Variants in SLC35E4 observed in about 807,000 individuals in gnomAD.
SLC35E4 encodes solute carrier family 35, member E4.
A neutral mutation model predicts 19.3 loss-of-function variants in SLC35E4; 15 were observed. The observed-to-expected ratio is 0.78, with a 90% CI of 0.52 to 1.20. SLC35E4 has a LOEUF of 1.20. Ranked by LOEUF, SLC35E4 falls within the 50% of genes most tolerant of loss-of-function variation. SLC35E4 has a pLI of 0.00. For missense variants in SLC35E4, 406 were observed against 472.3 expected, an observed-to-expected ratio of 0.86 and a Z score of 1.30; for synonymous variants, 219 against 219.9, an observed-to-expected ratio of 1.00 and a Z score of 0.04.
At chr22:30,657,607 A>G in intron 2 of SLC35E4, among the ~76,000 whole-genome samples, 1 of 151,898 alleles carries the variant, frequency 6.6e-6, no homozygotes, top group Non-Finnish European at 1.5e-5. Flanking sequence ...AAAATTTTTT[A>G]AAGATTTAAA....
At chr22:30,664,597 G>A (rs2088584695), downstream of SLC35E4, among the ~76,000 whole-genome samples, 1 of 152,222 alleles carries the variant, frequency 6.6e-6, no homozygotes, top group African/African-American at 2.4e-5. Flanking sequence ...CAGTGGCATG[G>A]AACCAGAGCC....
At chr22:30,659,394 A>G (rs2088414699) in intron 2 of SLC35E4, among the ~76,000 whole-genome samples, 1 of 151,884 alleles carries the variant, frequency 6.6e-6, no homozygotes, top group South Asian at 2.1e-4. Flanking sequence ...TTTTTTTGAG[A>G]TGGAGTTTCA....
At chr22:30,653,289 C>T (rs1182437271) in intron 2 of SLC35E4, among the ~76,000 whole-genome samples, 1 of 152,116 alleles carries the variant, frequency 6.6e-6, no homozygotes, top group Non-Finnish European at 1.5e-5. Context: ...ACCCTGTTCT[C>T]TATGCCTGCT....
intron 2 of SLC35E4, among the ~76,000 whole-genome samples, chr22:30,655,846 G>T (rs2145594839): frequency 6.6e-6 from 1 of 152,256 alleles, no homozygotes; most frequent in East Asian, 1.9e-4. Context: ...GTCAGGATGA[G>T]AATCCACACC....
chr22:30,647,002 C>T lies in SLC35E4; in HGVS notation c.1024C>T (p.Arg342Trp), dbSNP rs115570083. Residue 342 changes from arginine (R) to tryptophan (W), a missense_variant, in exon 2 of 2, where the codon CGG becomes TGG. By Grantham distance (101) the Arg-to-Trp change is moderately radical. Coordinates refer to ENST00000343605, the MANE Select transcript of SLC35E4 (RefSeq NM_001001479.4). ...ASWAARRGLW[R>W]RDQPSKGL ...CTGGGCTGCCCGTCGGGGGCTGTGGCGGAGGGACCAGCCCAGCAAGGGTCT... is the reference window on the plus strand; with the variant it reads ...CTGGGCTGCCCGTCGGGGGCTGTGGTGGAGGGACCAGCCCAGCAAGGGTCT... 4,091 of 1,610,294 alleles carry T rather than the reference C, an allele frequency of 2.5e-3. 82 individuals are homozygous for T. In the African/African-American group the frequency reaches 0.043, roughly 17 times the overall value.
At chr22:30,649,036 C>T, downstream of SLC35E4, 2 of 616,890 alleles carry the variant, frequency 3.2e-6, no homozygotes, top group Non-Finnish European at 5.9e-6. Context: ...TAACACCTAA[C>T]TCTCCCCAGC....
At chr22:30,645,295 C>T (rs112101032) in intron 1 of SLC35E4, among the ~76,000 whole-genome samples, 4,013 of 152,196 alleles carry the variant, frequency 0.026, 171 homozygotes, top group African/African-American at 0.091. Context: ...GTCTTCGAAG[C>T]TGGGTGAAGA....
At chr22:30,642,962 G>A (rs1981590) in intron 1 of SLC35E4, among the ~76,000 whole-genome samples, 96,392 of 150,782 alleles carry the variant, frequency 0.64, 31,942 homozygotes, top group African/African-American at 0.83. Flanking sequence ...CCCGGGAGGC[G>A]GAGCTTGCAG....
At chr22:30,658,503 G>GAT (rs1219849385) in intron 2 of SLC35E4, among the ~76,000 whole-genome samples, 1 of 151,902 alleles carries the variant, frequency 6.6e-6, no homozygotes, top group Non-Finnish European at 1.5e-5. Flanking sequence ...AAGTAGAAGA[G>GAT]GGGAATCTCC....
chr22:30,658,126 T>TA (rs886421711), intron 2 of SLC35E4, among the ~76,000 whole-genome samples: 4 of 150,672 alleles, frequency 2.7e-5, no homozygotes, highest in Non-Finnish European at 4.4e-5. Flanking sequence ...TTTTTTTAGT[T>TA]AAAAAAAACT....
intron 2 of SLC35E4, chr22:30,653,796 A>G (rs955167846): frequency 2.6e-5 from 4 of 152,206 alleles, no homozygotes; most frequent in Admixed American, 6.5e-5. Context: ...CCCAAAATCA[A>G]TCAAGCCAAA....
intron 1 of SLC35E4, among the ~76,000 whole-genome samples, chr22:30,640,429 G>A (rs886858448): frequency 5.3e-5 from 8 of 152,010 alleles, no homozygotes; most frequent in African/African-American, 1.2e-4. Flanking sequence ...CAGAGGTCAC[G>A]GGGTCCCTAA....
intron 1 of SLC35E4, among the ~76,000 whole-genome samples, chr22:30,640,378 A>T (rs1241352782): frequency 6.6e-6 from 1 of 151,950 alleles, no homozygotes; most frequent in African/African-American, 2.4e-5. Flanking sequence ...TCAAAAAAAA[A>T]AAAAAAAAGA....
chr22:30,659,855 T>A (rs1403922570), intron 2 of SLC35E4, among the ~76,000 whole-genome samples: 3 of 152,218 alleles, frequency 2.0e-5, no homozygotes, highest in Non-Finnish European at 4.4e-5. Context: ...TGATTCTCTC[T>A]GGCTGGACTT....
intron 2 of SLC35E4, chr22:30,662,033 T>TTG (rs1555900944): frequency 1.3e-5 from 2 of 150,048 alleles, no homozygotes; most frequent in Non-Finnish European, 3.0e-5. Flanking sequence ...TTAAACCATT[T>TTG]TTTTTTTTTT....
Position 30,646,600 on chromosome 22 carries a change from G to A in SLC35E4, c.622G>A (p.Ala208Thr), listed in dbSNP as rs1359777450. The A allele has an allele frequency of 6.3e-7, 1 of 1,593,822 alleles. No individual in the cohort carries two copies. Among genetic ancestry groups the A allele is most frequent in the Non-Finnish European group, 8.6e-7 (1 of 1,168,552 alleles). ...TCATGGCGGTTGTCCTGTTGCAGGT[G>A]CCCTGCTGCAGGAGGAGAGGCTGGA... is the stretch of plus-strand genomic sequence containing the variant. ...LRGLKSVQQS[A>T]LLQEERLDAV... The change falls in exon 2 of 2, where the codon GCC becomes ACC. Residue 208 changes from alanine (A) to threonine (T), a missense_variant and splice_region_variant. Coordinates refer to ENST00000343605, the MANE Select transcript of SLC35E4 (RefSeq NM_001001479.4).
At chr22:30,663,642 T>G, downstream of SLC35E4, 4 of 1,614,212 alleles carry the variant, frequency 2.5e-6, no homozygotes, top group Non-Finnish European at 3.4e-6. Context: ...GGCGTGGTAC[T>G]TCATGAGGTA....
chr22:30,636,537 G>C lies in SLC35E4; in HGVS notation c.87G>C (p.Gly29=). 1 of 1,556,552 alleles carries C rather than the reference G, an allele frequency of 6.4e-7. No homozygotes were observed. The highest frequency in any genetic ancestry group is 2.4e-5 in the East Asian group (1 of 41,296). ...GAAAGGAQAA[G]PPEWPPGSPQ... ...CAGCTGGTGGTGCTCAGGCGGCTGG[G>C]CCCCCCGAGTGGCCCCCTGGCAGCC... The change falls in exon 1 of 2, where the codon GGG becomes GGC. Residue 29 remains glycine, a synonymous_variant. Transcript: ENST00000343605.
downstream of SLC35E4, chr22:30,663,718 T>G: frequency 6.2e-7 from 1 of 1,614,198 alleles, no homozygotes; most frequent in Non-Finnish European, 8.5e-7. Flanking sequence ...CGGCCCTGCT[T>G]CATCTCCACG....
Sources: gnomAD v4.1 joint callset for allele counts (sites outside exome capture counted in the v4.1 genomes callset) on GRCh38, gnomAD v4.1.1 for gene constraint, MANE v1.5 for transcripts, NCBI Gene and HGNC (gene_info 2026-07-23, HGNC 2026-07-21) for gene names.